Variants in GABRR3 observed in about 807,000 individuals in gnomAD.
GABRR3 encodes the protein gamma-aminobutyric acid receptor subunit rho-3.
A neutral mutation model predicts 43.2 loss-of-function variants in GABRR3; 29 were observed. The ratio of observed to expected loss-of-function variants is 0.67; its 90% CI spans 0.50 to 0.92. The LOEUF (loss-of-function observed/expected upper bound fraction) is 0.92. Ranked by LOEUF, GABRR3 falls within the 40% of genes least tolerant of loss-of-function variation. GABRR3 has a pLI of 0.00. For synonymous variants in GABRR3, 206 were observed against 195.9 expected, an observed-to-expected ratio of 1.05 and a Z score of -0.43; for missense variants, 576 against 572.3, an observed-to-expected ratio of 1.01 and a Z score of -0.07.
At chr3:97,992,235 C>G (rs1470234580) in intron 9 of GABRR3, among the ~76,000 whole-genome samples, 1 of 151,984 alleles carries the variant, frequency 6.6e-6, no homozygotes, top group Non-Finnish European at 1.5e-5. Context: ...TACCACTCTC[C>G]CGAGTGACAA....
chr3:98,002,901 T>C (rs1688377), intron 7 of GABRR3, among the ~76,000 whole-genome samples: 70,112 of 151,802 alleles, frequency 0.46, 16,561 homozygotes, highest in South Asian at 0.61. Context: ...ATGGATCACT[T>C]AAGTACTTAG....
intron 9 of GABRR3, 83 bp downstream of exon 9, chr3:97,992,769 C>A (rs1289402912): frequency 7.7e-7 from 1 of 1,294,850 alleles, no homozygotes; most frequent in Non-Finnish European, 1.1e-6. Flanking sequence ...CAAAGGCTTA[C>A]AACACTGTCA....
intron 9 of GABRR3, among the ~76,000 whole-genome samples, chr3:97,988,334 T>C (rs1706413181): frequency 6.6e-6 from 1 of 152,142 alleles, no homozygotes; most frequent in South Asian, 2.1e-4. Flanking sequence ...TGCCTTGGCC[T>C]CCGAAAGTGC....
intron 7 of GABRR3, among the ~76,000 whole-genome samples, chr3:98,006,002 C>T (rs1706720758): frequency 6.6e-6 from 1 of 151,854 alleles, no homozygotes; most frequent in African/African-American, 2.4e-5. Context: ...TGCTTCATTG[C>T]ATACATTCTT....
chr3:97,988,833 T>C (rs1706421808), intron 9 of GABRR3, among the ~76,000 whole-genome samples: 1 of 148,050 alleles, frequency 6.8e-6, no homozygotes, highest in Non-Finnish European at 1.5e-5. Flanking sequence ...GTGGTGGTGG[T>C]GGATGGTGAC....
chr3:98,026,020 C>T (rs1385389031), intron 2 of GABRR3, among the ~76,000 whole-genome samples: 1 of 152,106 alleles, frequency 6.6e-6, no homozygotes. Flanking sequence ...GACTCCTGTC[C>T]CAGATCAACT....
In GABRR3 at chr3:97,992,806, T is replaced by C. The variant is rs766926008; in HGVS notation, c.1104+46A>G. 3.1e-5 allele frequency: 47 copies of C among 1,526,028 alleles called. No individual in the cohort carries two copies. In the South Asian group the frequency reaches 6.2e-4, roughly 20 times the overall value. The allele number at this position is 1,526,028 out of a possible 1,614,324, so 94.5% of individuals were successfully genotyped here. On this transcript the variant is annotated intron_variant, in intron 9 of 9. Coordinates refer to ENST00000621172, the Ensembl canonical transcript of GABRR3. ...GAGAGGGCAATAGATAAGGGTAGTC[T>C]TTTCCACATTCCCCAAGGGATCTGA...
At chr3:98,002,151 A>C (rs944850856) in intron 7 of GABRR3, among the ~76,000 whole-genome samples, 18 of 152,112 alleles carry the variant, frequency 1.2e-4, no homozygotes, top group Admixed American at 1.2e-3. Context: ...AGCTATAACA[A>C]ATGAAAAAAA....
At chr3:97,992,804 T>A in intron 9 of GABRR3, 48 bp downstream of exon 9, 3 of 1,514,762 alleles carry the variant, frequency 2.0e-6, no homozygotes, top group South Asian at 1.3e-5. Flanking sequence ...ATAAGGGTAG[T>A]CTTTTCCACA....
In GABRR3 at chr3:98,000,739, C is replaced by T. The variant is rs1706627799; in HGVS notation, c.907+876G>A. On this transcript the variant is annotated intron_variant, in intron 8 of 9. Coordinates refer to ENST00000621172, the Ensembl canonical transcript of GABRR3. ...ACAATGATTGTAATAATAACAATCT[C>T]CTCTCTAGATAGAGCACTACAAATG... 2.0e-5 allele frequency: 3 copies of T among 152,018 alleles called. No homozygotes were observed. In the South Asian group the frequency reaches 6.2e-4, roughly 31 times the overall value. 9.4% of individuals were successfully genotyped at this position (152,018 alleles called of 1,614,324 possible).
chr3:97,996,896 T>A (rs931363947), intron 8 of GABRR3, among the ~76,000 whole-genome samples: 2 of 152,172 alleles, frequency 1.3e-5, no homozygotes, highest in South Asian at 4.1e-4. Context: ...CACCAGCAAA[T>A]GAATCATCCT....
chr3:98,034,126 G>C (rs752909336), intron 2 of GABRR3, among the ~76,000 whole-genome samples: 1 of 152,084 alleles, frequency 6.6e-6, no homozygotes, highest in Non-Finnish European at 1.5e-5. Context: ...TTGGTGAAAA[G>C]AGAACTCTTT....
At chr3:98,034,386 A>G (rs1707126292) in intron 2 of GABRR3, among the ~76,000 whole-genome samples, 1 of 152,148 alleles carries the variant, frequency 6.6e-6, no homozygotes, top group African/African-American at 2.4e-5. Context: ...TGTCAAACGT[A>G]TGAAAATTAT....
chr3:98,021,895 A>G lies in GABRR3; in HGVS notation c.238+3672T>C, dbSNP rs1463280989. ...AAGTTCATTATATAATATATCATCTAATCTTTTAATTATAGCTGCTTTGTT... is the reference window on the plus strand; with the variant it reads ...AAGTTCATTATATAATATATCATCTGATCTTTTAATTATAGCTGCTTTGTT... On this transcript the variant is annotated intron_variant, in intron 3 of 9. Transcript: ENST00000621172. Among the ~76,000 whole-genome samples, 3 of 152,190 alleles carry G rather than the reference A, an allele frequency of 2.0e-5. No individual in the cohort carries two copies. The East Asian group carries it at 5.8e-4, about 29-fold the overall frequency.
intron 4 of GABRR3, among the ~76,000 whole-genome samples, chr3:98,016,361 AG>A (rs1706873167): frequency 1.3e-5 from 2 of 152,010 alleles, no homozygotes; most frequent in Admixed American, 6.6e-5. Flanking sequence ...GAAAGAACCT[AG>A]TACCTCCCCC....
chr3:98,015,159 A>G (rs1399672406), intron 4 of GABRR3, among the ~76,000 whole-genome samples: 1 of 152,232 alleles, frequency 6.6e-6, no homozygotes, highest in Admixed American at 6.5e-5. Flanking sequence ...GAGTTTGAAA[A>G]GAAAATAACT....
chr3:97,992,112 G>A (rs572121623), intron 9 of GABRR3, among the ~76,000 whole-genome samples: 1 of 152,234 alleles, frequency 6.6e-6, no homozygotes, highest in East Asian at 1.9e-4. Context: ...CAGGTAGAGA[G>A]CAATCTACCT....
intron 7 of GABRR3, among the ~76,000 whole-genome samples, chr3:98,005,029 G>A (rs1326822331): frequency 2.0e-5 from 3 of 151,910 alleles, no homozygotes; most frequent in Non-Finnish European, 4.4e-5. Context: ...ATGGTTAAAT[G>A]AACCCAGATA....
intron 2 of GABRR3, among the ~76,000 whole-genome samples, chr3:98,032,596 T>C (rs1707100802): frequency 6.6e-6 from 1 of 152,218 alleles, no homozygotes; most frequent in Non-Finnish European, 1.5e-5. Flanking sequence ...TAACTTACTT[T>C]ATTCACACCT....
Sources: gnomAD v4.1 joint callset for allele counts (sites outside exome capture counted in the v4.1 genomes callset) on GRCh38, gnomAD v4.1.1 for gene constraint, MANE v1.5 for transcripts, NCBI Gene and HGNC (gene_info 2026-07-23, HGNC 2026-07-21) for gene names.